DTNA: variants seen among roughly 807,000 people sequenced by gnomAD.
The protein encoded by DTNA is dystrobrevin alpha.
DTNA carries 43 observed loss-of-function variants against 100.7 expected under a neutral mutation model. The ratio of observed to expected loss-of-function variants is 0.43; its 90% CI spans 0.33 to 0.55. DTNA has a LOEUF of 0.55. Among genes scored for constraint, DTNA ranks in the 20% least tolerant of loss-of-function variants. The probability of loss-of-function intolerance (pLI) is 0.04; values close to 1 mark genes in which losing one functional copy is unlikely to be tolerated. For synonymous variants in DTNA, 349 were observed against 347.9 expected (o/e 1.00, Z -0.04); for missense variants, 798 against 953.9 (o/e 0.84, Z 2.15).
chr18:34,593,116 T>C (rs1267885745), intron 1 of DTNA, among the ~76,000 whole-genome samples: 1 of 152,160 alleles, frequency 6.6e-6, no homozygotes, highest in Non-Finnish European at 1.5e-5. Context: ...CTTCCAAGTG[T>C]TTCCGTAATA....
At position 34,882,074 on chromosome 18, in the gene DTNA, C is replaced by T. The variant is rs200977103; in HGVS notation, c.2168C>T (p.Thr723Met). Reference sequence around the variant, plus strand: ...CATCTGTGGTTTATTTTCAGGGTTACGGAGGATGCAGATCCCTATGTGCAG... The same window carrying T: ...CATCTGTGGTTTATTTTCAGGGTTATGGAGGATGCAGATCCCTATGTGCAG... ...TTSTMRGDMV[T>M]EDADPYVQPE... The change falls in exon 21 of 23, where the codon ACG becomes ATG. Residue 723 changes from threonine to methionine, a missense_variant. By Grantham distance (81) the Thr-to-Met change is moderately conservative. Transcript: ENST00000444659. 60 of 1,614,014 alleles carry T rather than the reference C, an allele frequency of 3.7e-5. No homozygotes were observed. The highest frequency in any genetic ancestry group is 4.6e-5 in the Non-Finnish European group (54 of 1,179,970).
intron 1 of DTNA, among the ~76,000 whole-genome samples, chr18:34,668,723 T>C (rs375794297): frequency 2.6e-5 from 4 of 152,310 alleles, no homozygotes; most frequent in East Asian, 3.9e-4. Flanking sequence ...AGTTTCCATG[T>C]AGTTGAGCGG....
chr18:34,642,485 T>TTTCCTTCCTTCC (rs60259511), intron 1 of DTNA, among the ~76,000 whole-genome samples: 70 of 151,816 alleles, frequency 4.6e-4, no homozygotes, highest in African/African-American at 1.6e-3. Flanking sequence ...GCTGGGTTGC[T>TTTCCTTCCTTCC]TTCCTTCCTT....
At chr18:34,695,361 A>G (rs887443089) in intron 1 of DTNA, among the ~76,000 whole-genome samples, 1 of 152,176 alleles carries the variant, frequency 6.6e-6, no homozygotes, top group Non-Finnish European at 1.5e-5. Context: ...GTCTTACCTA[A>G]TAACAAAGGT....
chr18:34,606,193 G>A (rs1349001439), intron 1 of DTNA, among the ~76,000 whole-genome samples: 1 of 151,968 alleles, frequency 6.6e-6, no homozygotes, highest in Non-Finnish European at 1.5e-5. Context: ...GACAACGGGA[G>A]GGCTCTATTT....
rs1288595299 is a variant in DTNA, at chr18:34,888,015, T to C, written c.*281T>C. 1 of 985,736 alleles carries C rather than the reference T, an allele frequency of 1.0e-6. No homozygotes were observed. The highest frequency in any genetic ancestry group is 6.2e-5 in the Admixed American group (1 of 16,254). 61.1% of individuals were successfully genotyped at this position (985,736 alleles called of 1,614,324 possible). A position where few individuals can be genotyped will look rare whatever the true frequency, so the allele number is the denominator to read the frequency against. The stretch of plus-strand genomic sequence containing the variant: ...GTTTCAAGAAGGAAAAAAAAAGACT[T>C]CTGTTCAAAGTTAACTTATCAGCTA... On this transcript the variant is annotated 3_prime_UTR_variant, in exon 23 of 23. Coordinates refer to ENST00000444659, the MANE Select transcript of DTNA (RefSeq NM_001386795.1).
chr18:34,527,926 A>G (rs766664049), intron 1 of DTNA, among the ~76,000 whole-genome samples: 23 of 152,040 alleles, frequency 1.5e-4, no homozygotes, highest in Admixed American at 1.3e-4. Context: ...TTACACCTCT[A>G]TTGTCCATTG....
chr18:34,724,660 C>T (rs1207234851), intron 1 of DTNA, among the ~76,000 whole-genome samples: 5 of 152,150 alleles, frequency 3.3e-5, no homozygotes, highest in African/African-American at 1.2e-4. Flanking sequence ...AGTGAGAACT[C>T]TCTCATTACA....
intron 1 of DTNA, among the ~76,000 whole-genome samples, chr18:34,547,451 G>T (rs556425120): frequency 2.6e-5 from 4 of 152,202 alleles, no homozygotes; most frequent in Non-Finnish European, 5.9e-5. Flanking sequence ...TCTATTGTAT[G>T]TGTCACTGTG....
chr18:34,495,092 TTTA>T (rs540681911), intron 1 of DTNA, among the ~76,000 whole-genome samples: 1 of 152,178 alleles, frequency 6.6e-6, no homozygotes, highest in South Asian at 2.1e-4. Context: ...AGGTCATACA[TTTA>T]TTAAGTGTTA....
intron 21 of DTNA, 119 bp from the exon 22 acceptor site, chr18:34,884,609 A>G (rs2096905078): frequency 2.7e-6 from 3 of 1,129,646 alleles, no homozygotes; most frequent in African/African-American, 1.5e-5. Context: ...CTCTCACTCA[A>G]TAGACTCTCT....
chr18:34,709,039 G>A (rs532580977), upstream of DTNA, among the ~76,000 whole-genome samples: 4 of 152,246 alleles, frequency 2.6e-5, no homozygotes, highest in South Asian at 8.3e-4. Context: ...CTCTCTTTGT[G>A]ATGTGATGTA....
intron 1 of DTNA, among the ~76,000 whole-genome samples, chr18:34,588,686 A>AGTGTGTGTGTGTGTGCGTGTGT (rs1555632823): frequency 1.3e-5 from 2 of 149,556 alleles, no homozygotes; most frequent in African/African-American, 4.9e-5. Flanking sequence ...TGAATATTAT[A>AGTGTGTGTGTGTGTGCGTGTGT]GTGTGTGTGT....
At chr18:34,692,114 T>G (rs1040839959) in intron 1 of DTNA, among the ~76,000 whole-genome samples, 1 of 152,230 alleles carries the variant, frequency 6.6e-6, no homozygotes, top group Non-Finnish European at 1.5e-5. Context: ...TTGAAGTTCC[T>G]ATACCAAGTT....
chr18:34,818,886 C>A (rs1370982683), intron 8 of DTNA, among the ~76,000 whole-genome samples: 1 of 151,984 alleles, frequency 6.6e-6, no homozygotes, highest in Non-Finnish European at 1.5e-5. Context: ...TGTGAGTGAC[C>A]AACCTGGCAA....
At chr18:34,861,858 T>G (rs1031884124) in intron 16 of DTNA, among the ~76,000 whole-genome samples, 4 of 152,168 alleles carry the variant, frequency 2.6e-5, no homozygotes, top group Admixed American at 6.5e-5. Context: ...GCCATTACTC[T>G]TAATGGCAAA....
At chr18:34,579,458 T>C (rs2048413518) in intron 1 of DTNA, among the ~76,000 whole-genome samples, 1 of 152,208 alleles carries the variant, frequency 6.6e-6, no homozygotes, top group Admixed American at 6.5e-5. Flanking sequence ...AAAACTTTCC[T>C]TGTCTCTTAT....
chr18:34,591,492 C>A (rs373883970), intron 1 of DTNA, among the ~76,000 whole-genome samples: 22 of 152,200 alleles, frequency 1.4e-4, no homozygotes, highest in African/African-American at 5.1e-4. Context: ...GTGAACAGAG[C>A]AGCTGAATGT....
At position 34,727,065 on chromosome 18, in the gene DTNA, G is replaced by A. The variant is rs150344726; in HGVS notation, c.-2+16620G>A. On this transcript the variant is annotated intron_variant, in intron 1 of 22. Transcript: ENST00000444659. ...AACGTAGAAGCCCCCAAGGCTTGCAGTTTGCACTCTCAGAAGCGGCAGCCT... is the reference window on the plus strand; with the variant it reads ...AACGTAGAAGCCCCCAAGGCTTGCAATTTGCACTCTCAGAAGCGGCAGCCT... Among the ~76,000 whole-genome samples the A allele has an allele frequency of 4.6e-3, 698 of 152,340 alleles. 6 individuals carry two copies. Among genetic ancestry groups the A allele is most frequent in the Middle Eastern group, 0.017 (5 of 294 alleles).
Sources: allele counts gnomAD v4.1 joint callset (sites outside exome capture counted in the v4.1 genomes callset), GRCh38; gene constraint gnomAD v4.1.1; transcripts MANE v1.5; gene names NCBI Gene and HGNC (gene_info 2026-07-23, HGNC 2026-07-21).